SUPT3H: variants seen among roughly 807,000 people sequenced by gnomAD.
SUPT3H encodes SPT3 homolog, SAGA and STAGA complex component.
In SUPT3H, 44 loss-of-function variants were observed where a neutral mutation model predicts 44.3. The observed-to-expected ratio is 0.99, with a 90% confidence interval of 0.78 to 1.28. SUPT3H has a LOEUF of 1.28. Among genes scored for constraint, SUPT3H ranks in the 50% most tolerant of loss-of-function variants. The pLI, the probability that SUPT3H is intolerant of heterozygous loss-of-function variation, is 0.00. For missense variants in SUPT3H, 380 were observed against 387.1 expected, an observed-to-expected ratio of 0.98 and a Z score of 0.15; for synonymous variants, 124 against 125.6, an observed-to-expected ratio of 0.99 and a Z score of 0.09.
At chr6:45,139,819 A>C (rs899685071) in intron 2 of SUPT3H, among the ~76,000 whole-genome samples, 1 of 152,160 alleles carries the variant, frequency 6.6e-6, no homozygotes, top group Non-Finnish European at 1.5e-5. Context: ...CAGCGTACTT[A>C]GGGAGGCGGT....
intron 2 of SUPT3H, among the ~76,000 whole-genome samples, chr6:45,118,409 C>G (rs1801136717): frequency 6.6e-6 from 1 of 152,002 alleles, no homozygotes; most frequent in Non-Finnish European, 1.5e-5. Context: ...ATCAATAAAA[C>G]AGTAATTAAG....
chr6:44,880,429 G>A (rs930716898), intron 10 of SUPT3H, among the ~76,000 whole-genome samples: 10 of 152,130 alleles, frequency 6.6e-5, no homozygotes, highest in African/African-American at 2.4e-4. Flanking sequence ...GGGACTATGT[G>A]AAAAGACCAA....
In SUPT3H at chr6:45,341,510, A is replaced by G. The variant is rs547593008; in HGVS notation, c.101+23691T>C. Among the ~76,000 whole-genome samples, 8 of 152,354 alleles carry G rather than the reference A, an allele frequency of 5.3e-5. No individual in the cohort carries two copies. The East Asian group carries it at 1.2e-3, about 22-fold the overall frequency. Reference sequence around the variant, plus strand: ...TAAATACATATGCAAGTATAAAGTCATAACTACATTTTAAAAGGAAAACAC... The same window carrying G: ...TAAATACATATGCAAGTATAAAGTCGTAACTACATTTTAAAAGGAAAACAC... On this transcript the variant is annotated intron_variant, in intron 2 of 10. Coordinates refer to ENST00000371459, the MANE Select transcript of SUPT3H (RefSeq NM_003599.4).
At chr6:44,901,754 T>C (rs1370582013) in intron 10 of SUPT3H, among the ~76,000 whole-genome samples, 1 of 151,438 alleles carries the variant, frequency 6.6e-6, no homozygotes, top group Non-Finnish European at 1.5e-5. Flanking sequence ...AAGGAAAAAA[T>C]GTTAAGGGCA....
chr6:44,919,417 G>A (rs535464708), intron 10 of SUPT3H, among the ~76,000 whole-genome samples: 11 of 151,536 alleles, frequency 7.3e-5, no homozygotes, highest in African/African-American at 2.2e-4. Context: ...CTTTCTGGTC[G>A]TATATACAAA....
chr6:45,354,575 G>A (rs960475560), intron 2 of SUPT3H, among the ~76,000 whole-genome samples: 1 of 151,922 alleles, frequency 6.6e-6, no homozygotes, highest in African/African-American at 2.4e-5. Context: ...GGGCTTCACT[G>A]CATTTAAGGC....
At chr6:45,060,161 C>G (rs1003785380) in intron 3 of SUPT3H, among the ~76,000 whole-genome samples, 1 of 152,018 alleles carries the variant, frequency 6.6e-6, no homozygotes, top group Non-Finnish European at 1.5e-5. Flanking sequence ...GCAAAAAGAA[C>G]AAAGCTGAAG....
chr6:45,079,610 C>T (rs760410394), intron 3 of SUPT3H, among the ~76,000 whole-genome samples: 4 of 152,146 alleles, frequency 2.6e-5, no homozygotes, highest in Non-Finnish European at 2.9e-5. Context: ...ATACACAGAA[C>T]AGTGGAACAG....
intron 10 of SUPT3H, among the ~76,000 whole-genome samples, chr6:44,887,509 T>A (rs1228194496): frequency 2.0e-5 from 3 of 152,168 alleles, no homozygotes; most frequent in African/African-American, 7.2e-5. Flanking sequence ...AACCTGCTCC[T>A]GAATGACTAC....
intron 4 of SUPT3H, among the ~76,000 whole-genome samples, chr6:45,015,953 A>G (rs1784199916): frequency 6.6e-6 from 1 of 151,972 alleles, no homozygotes; most frequent in African/African-American, 2.4e-5. Context: ...TTTTATTGGT[A>G]TATCTCATGA....
chr6:44,828,193 TA>T lies in SUPT3H; in HGVS notation c.*1622del, dbSNP rs1421123351. 3.9e-5 allele frequency among the ~76,000 whole-genome samples: 6 copies of T among 152,164 alleles called. No individual in the cohort carries two copies. The highest frequency in any genetic ancestry group is 2.1e-4 in the South Asian group (1 of 4,820). ...AAATGCTATCGTTTAAAAGTTAAGTTAAGTTAGGATGTTTACTGCAAGCTTG... is the reference window on the plus strand; with the variant it reads ...AAATGCTATCGTTTAAAAGTTAAGTTAGTTAGGATGTTTACTGCAAGCTTG... On this transcript the variant is annotated 3_prime_UTR_variant, in exon 11 of 11. Coordinates refer to ENST00000371459, the MANE Select transcript of SUPT3H (RefSeq NM_003599.4).
chr6:45,091,345 C>A (rs1448818086), intron 3 of SUPT3H, among the ~76,000 whole-genome samples: 2 of 151,996 alleles, frequency 1.3e-5, no homozygotes, highest in Admixed American at 1.3e-4. Context: ...CCACTCCTCA[C>A]TAACTATTTG....
chr6:45,302,106 A>G (rs1782218021), intron 2 of SUPT3H, among the ~76,000 whole-genome samples: 1 of 152,114 alleles, frequency 6.6e-6, no homozygotes, highest in African/African-American at 2.4e-5. Context: ...TAACTTTTTA[A>G]ATAAATTTAT....
intron 9 of SUPT3H, among the ~76,000 whole-genome samples, chr6:44,939,634 T>G (rs968423916): frequency 6.6e-6 from 1 of 152,104 alleles, no homozygotes; most frequent in African/African-American, 2.4e-5. Context: ...TCAGGAGGAC[T>G]GGTATTAATT....
At chr6:44,910,382 T>A (rs1372341185) in intron 10 of SUPT3H, among the ~76,000 whole-genome samples, 1 of 152,230 alleles carries the variant, frequency 6.6e-6, no homozygotes, top group Non-Finnish European at 1.5e-5. Context: ...CTTTCATTTT[T>A]ATTTCAGAAT....
At chr6:45,235,156 CA>C (rs1385699934) in intron 2 of SUPT3H, among the ~76,000 whole-genome samples, 4 of 152,052 alleles carry the variant, frequency 2.6e-5, no homozygotes, top group African/African-American at 9.7e-5. Context: ...TTTGAAATTA[CA>C]AATTAAAGGG....
chr6:45,118,216 G>A (rs1374277629), intron 2 of SUPT3H, among the ~76,000 whole-genome samples: 1 of 151,980 alleles, frequency 6.6e-6, no homozygotes, highest in African/African-American at 2.4e-5. Context: ...TGTACTTGTA[G>A]AAGCTTACAA....
chr6:45,015,806 C>A (rs12662173), intron 4 of SUPT3H, among the ~76,000 whole-genome samples: 1 of 151,664 alleles, frequency 6.6e-6, no homozygotes, highest in Non-Finnish European at 1.5e-5. Context: ...CGCACACACA[C>A]ACACACACAC....
intron 2 of SUPT3H, among the ~76,000 whole-genome samples, chr6:45,313,715 AAAG>A (rs1287097604): frequency 6.6e-6 from 1 of 151,854 alleles, no homozygotes; most frequent in Non-Finnish European, 1.5e-5. Flanking sequence ...CCAGACATTC[AAAG>A]AAGAACTGGT....
Sources: gnomAD v4.1 joint callset for allele counts (sites outside exome capture counted in the v4.1 genomes callset) on GRCh38, gnomAD v4.1.1 for gene constraint, MANE v1.5 for transcripts, NCBI Gene and HGNC (gene_info 2026-07-23, HGNC 2026-07-21) for gene names.